The following KCNJ8 variants were observed in gnomAD, a reference collection of about 807,000 sequenced individuals.
KCNJ8 encodes ATP-sensitive inward rectifier potassium channel 8.
Under a neutral mutation model 28.2 loss-of-function variants are expected in KCNJ8, and 13 were observed. The observed-to-expected ratio is 0.46, with a 90% CI of 0.30 to 0.73. The LOEUF (loss-of-function observed/expected upper bound fraction) is 0.73, where lower values mean the gene tolerates loss of function less well. KCNJ8 is among the 30% of genes least tolerant of loss of function. KCNJ8 has a pLI of 0.07. For synonymous variants in KCNJ8, 188 were observed against 195.9 expected (o/e 0.96, Z 0.34); for missense variants, 284 against 542.6 (o/e 0.52, Z 4.73).
chr12:21,765,713 T>C lies in KCNJ8; in HGVS notation c.*10A>G. ...ACTTGATAAAAGACTGTCTTGGGGT[T>C]ATCTTGCTGTCATGATTCCGATGTG... On this transcript the variant is annotated 3_prime_UTR_variant, in exon 3 of 3. Transcript: ENST00000240662. The C allele has an allele frequency of 6.2e-7, 1 of 1,613,268 alleles. No individual in the cohort carries two copies. Among genetic ancestry groups the C allele is most frequent in the Non-Finnish European group, 8.5e-7 (1 of 1,179,196 alleles).
intron 1 of KCNJ8, among the ~76,000 whole-genome samples, chr12:21,774,157 G>T (rs1940832292): frequency 1.3e-5 from 2 of 152,064 alleles, no homozygotes; most frequent in South Asian, 2.1e-4. Context: ...GTAAGCAAAG[G>T]CCATGACTCC....
intron 2 of KCNJ8, among the ~76,000 whole-genome samples, chr12:21,770,130 C>T (rs1012502010): frequency 6.6e-6 from 1 of 152,090 alleles, no homozygotes; most frequent in Non-Finnish European, 1.5e-5. Context: ...TCTTCATTGT[C>T]ATATTTTAAG....
Position 21,773,788 on chromosome 12 carries a change from T to A in KCNJ8, c.-70-102A>T. ...ATGTCTGTACATGTGCGAGGTGACA[T>A]GCAAAACCAAAAATGTGATTTTTAC... On this transcript the variant is annotated intron_variant, in intron 1 of 2. Coordinates refer to ENST00000240662, the MANE Select transcript of KCNJ8 (RefSeq NM_004982.4). This position sits in a 1 kb window ranked among gnomAD's most constrained non-coding sequence, Gnocchi z 4.6. 2 of 809,004 alleles carry A rather than the reference T, an allele frequency of 2.5e-6. No homozygotes were observed. The highest frequency in any genetic ancestry group is 1.7e-5 in the African/African-American group (1 of 57,822). 50.1% of individuals were successfully genotyped at this position (809,004 alleles called of 1,614,324 possible).
rs962677311 is a variant in KCNJ8 at position 21,765,532 on chromosome 12, A to C, written c.*191T>G. ...ATTCTACATGTATGAAACAAGCATAAGCCATGAATCCTCCACTTGGTGTGT... is the reference window on the plus strand; with the variant it reads ...ATTCTACATGTATGAAACAAGCATACGCCATGAATCCTCCACTTGGTGTGT... On this transcript the variant is annotated 3_prime_UTR_variant, in exon 3 of 3. Coordinates refer to ENST00000240662, the MANE Select transcript of KCNJ8 (RefSeq NM_004982.4). 1.6e-6 allele frequency: 1 copy of C among 633,144 alleles called. No homozygotes were observed. 39.2% of individuals were successfully genotyped at this position (633,144 alleles called of 1,614,324 possible).
At chr12:21,769,232 T>G (rs755124917) in intron 2 of KCNJ8, among the ~76,000 whole-genome samples, 1 of 152,208 alleles carries the variant, frequency 6.6e-6, no homozygotes, top group Non-Finnish European at 1.5e-5. Context: ...CCCCAAAGTA[T>G]TATGCTAAAT....
At position 21,764,983 on chromosome 12, in the gene KCNJ8, C is replaced by T. The variant is rs1286244172; in HGVS notation, c.*740G>A. 6.6e-6 allele frequency: 1 copy of T among 152,294 alleles called. No individual in the cohort carries two copies. Among genetic ancestry groups the T allele is most frequent in the East Asian group, 1.9e-4 (1 of 5,188 alleles). 9.4% of individuals were successfully genotyped at this position (152,294 alleles called of 1,614,324 possible). On this transcript the variant is annotated 3_prime_UTR_variant, in exon 3 of 3. Coordinates refer to ENST00000240662, the MANE Select transcript of KCNJ8 (RefSeq NM_004982.4). ...AAAGAAAATGTTTTAATAAAATATTCAATACAGTATTTCCCTGTGGGGATT... is the reference window on the plus strand; with the variant it reads ...AAAGAAAATGTTTTAATAAAATATTTAATACAGTATTTCCCTGTGGGGATT...
Position 21,766,638 on chromosome 12 carries a change from A to G in KCNJ8, c.375-15T>C. ...AAGTGAAAGACCTGTGAGGAATGAT[A>G]TCAGAAAAGAACACCATCAGGTCAC... is the stretch of plus-strand genomic sequence containing the variant. On this transcript the variant is annotated splice_polypyrimidine_tract_variant and intron_variant, in intron 2 of 2. Coordinates refer to ENST00000240662, the MANE Select transcript of KCNJ8 (RefSeq NM_004982.4). This position sits in a 1 kb window ranked among gnomAD's most constrained non-coding sequence, Gnocchi z 6.5. 6.3e-7 allele frequency: 1 copy of G among 1,586,368 alleles called. No homozygotes were observed. Among genetic ancestry groups the G allele is most frequent in the Non-Finnish European group, 8.6e-7 (1 of 1,168,342 alleles).
In KCNJ8 at chr12:21,765,265, A is replaced by C. The variant is rs149606569; in HGVS notation, c.*458T>G. Reference sequence around the variant, plus strand: ...ATGCAGTTATCATGGAGACAGGAGAAGGCTGATGTACAAAACGCATTAACA... The same window carrying C: ...ATGCAGTTATCATGGAGACAGGAGACGGCTGATGTACAAAACGCATTAACA... On this transcript the variant is annotated 3_prime_UTR_variant, in exon 3 of 3. Transcript: ENST00000240662. The C allele has an allele frequency of 0.012, 2,816 of 238,920 alleles. 49 individuals carry two copies. The highest frequency in any genetic ancestry group is 0.014 in the Non-Finnish European group (1,661 of 120,960). 14.8% of individuals were successfully genotyped at this position (238,920 alleles called of 1,614,324 possible).
intron 2 of KCNJ8, among the ~76,000 whole-genome samples, chr12:21,770,240 C>T (rs537135552): frequency 6.6e-6 from 1 of 152,288 alleles, no homozygotes; most frequent in South Asian, 2.1e-4. Context: ...AAGACCACAT[C>T]TTGCAGAAGG....
In KCNJ8 at chr12:21,773,139, C is replaced by G. The variant is rs1257539058; in HGVS notation, c.374+104G>C. 25 of 1,339,166 alleles carry G rather than the reference C, an allele frequency of 1.9e-5. No individual in the cohort carries two copies. The highest frequency in any genetic ancestry group is 2.5e-5 in the Non-Finnish European group (24 of 944,842). The allele number at this position is 1,339,166 out of a possible 1,614,324, so 83.0% of individuals were successfully genotyped here. On this transcript the variant is annotated intron_variant, in intron 2 of 2. Coordinates refer to ENST00000240662, the MANE Select transcript of KCNJ8 (RefSeq NM_004982.4). The surrounding 1 kb of genome is among the most constrained non-coding windows in gnomAD (Gnocchi z 4.6). ...GTTTCTGAAGATTCTAAAACAAACC[C>G]TTTATTTCACTTTCAATTAAATAAC...
chr12:21,773,389 A>G lies in KCNJ8; in HGVS notation c.228T>C (p.Phe76=). The change falls in exon 2 of 3, where the codon TTT becomes TTC. Residue 76 remains phenylalanine (F), a synonymous_variant. Transcript: ENST00000240662. The surrounding 1 kb of genome is among the most constrained non-coding windows in gnomAD (Gnocchi z 4.6). ...GCCAGCTGCAGAGGAAGGACATGGT[A>G]AAGATGACCAGCGTGTGGCGCCATT... ...DLKWRHTLVI[F]TMSFLCSWLL... 1 of 1,614,268 alleles carries G rather than the reference A, an allele frequency of 6.2e-7. No individual in the cohort carries two copies. The highest frequency in any genetic ancestry group is 8.5e-7 in the Non-Finnish European group (1 of 1,180,042).
chr12:21,773,881 A>C lies in KCNJ8; in HGVS notation c.-70-195T>G, dbSNP rs1369929318. Among the ~76,000 whole-genome samples, 1 of 152,210 alleles carries C rather than the reference A, an allele frequency of 6.6e-6. No homozygotes were observed. The highest frequency in any genetic ancestry group is 1.5e-5 in the Non-Finnish European group (1 of 68,040). On this transcript the variant is annotated intron_variant, in intron 1 of 2. Coordinates refer to ENST00000240662, the MANE Select transcript of KCNJ8 (RefSeq NM_004982.4). The surrounding 1 kb of genome is among the most constrained non-coding windows in gnomAD (Gnocchi z 4.6). ...TCAGAAAAATTACTTGGTTTTAATA[A>C]AAAGAACTGTTTCAATTTTTCTTAT...
Position 21,766,798 on chromosome 12 carries a change from T to C in KCNJ8, c.375-175A>G. 3.1e-6 allele frequency: 2 copies of C among 640,706 alleles called. No homozygotes were observed. Among genetic ancestry groups the C allele is most frequent in the Non-Finnish European group, 2.8e-6 (1 of 359,738 alleles). The allele number at this position is 640,706 out of a possible 1,614,324, so 39.7% of individuals were successfully genotyped here. On this transcript the variant is annotated intron_variant, in intron 2 of 2. Transcript: ENST00000240662. This position sits in a 1 kb window ranked among gnomAD's most constrained non-coding sequence, Gnocchi z 6.5. Reference sequence around the variant, plus strand: ...TAAACTGTGTTTAGAACAGTCTCTCTCTCTCTTGCATGCATCTACCTCCAG... The same window carrying C: ...TAAACTGTGTTTAGAACAGTCTCTCCCTCTCTTGCATGCATCTACCTCCAG...
chr12:21,773,113 T>G lies in KCNJ8; in HGVS notation c.374+130A>C. The G allele has an allele frequency of 9.2e-7, 1 of 1,088,118 alleles. No individual in the cohort carries two copies. Among genetic ancestry groups the G allele is most frequent in the Non-Finnish European group, 1.4e-6 (1 of 725,496 alleles). The allele number at this position is 1,088,118 out of a possible 1,614,324, so 67.4% of individuals were successfully genotyped here. ...GGTGTTGTTCTTTATTGTGCTTTTTTGTTTCTGAAGATTCTAAAACAAACC... is the reference window on the plus strand; with the variant it reads ...GGTGTTGTTCTTTATTGTGCTTTTTGGTTTCTGAAGATTCTAAAACAAACC... On this transcript the variant is annotated intron_variant, in intron 2 of 2. Transcript: ENST00000240662. The surrounding 1 kb of genome is among the most constrained non-coding windows in gnomAD (Gnocchi z 4.6).
intron 2 of KCNJ8, among the ~76,000 whole-genome samples, chr12:21,771,347 C>T (rs887243468): frequency 1.3e-5 from 2 of 152,176 alleles, no homozygotes; most frequent in Non-Finnish European, 2.9e-5. Context: ...TAAACAATCT[C>T]AAGAGATAAA....
intron 2 of KCNJ8, among the ~76,000 whole-genome samples, chr12:21,767,322 C>CA (rs1940653542): frequency 2.8e-5 from 3 of 106,158 alleles, no homozygotes; most frequent in East Asian, 5.7e-4. Flanking sequence ...CCCCCCCCCC[C>CA]ACCTCCAGGC....
chr12:21,771,355 A>G (rs1940750956), intron 2 of KCNJ8, among the ~76,000 whole-genome samples: 1 of 152,234 alleles, frequency 6.6e-6, no homozygotes. Context: ...CTCAAGAGAT[A>G]AAAGTGTTTA....
rs747079045 is a variant in KCNJ8, at chr12:21,773,322, C to T, written c.295G>A (p.Gly99Arg). ...IMWWLVAFAH[G>R]DIYAYMEKSG... is the part of the protein sequence containing the mutation. ...TTCTCCATGTAAGCATAGATGTCCC[C>T]ATGGGCAAAGGCCACCAGCCACCAC... Residue 99 changes from glycine (G) to arginine (R), a missense_variant, in exon 2 of 3, where the codon GGG (glycine) becomes AGG (arginine). Gly to Arg is a moderately radical substitution (Grantham distance 125). Around this residue, in one of 8 missense-constraint regions of KCNJ8, gnomAD observed 42 missense variants for 50.9 expected, o/e 0.83. Coordinates refer to ENST00000240662, the MANE Select transcript of KCNJ8 (RefSeq NM_004982.4). This position sits in a 1 kb window ranked among gnomAD's most constrained non-coding sequence, Gnocchi z 4.6. The T allele has an allele frequency of 6.2e-7, 1 of 1,614,184 alleles. No individual in the cohort carries two copies. Among genetic ancestry groups the T allele is most frequent in the Non-Finnish European group, 8.5e-7 (1 of 1,180,036 alleles).
chr12:21,773,716 TA>T lies in KCNJ8; in HGVS notation c.-70-31del. 6.5e-7 allele frequency: 1 copy of T among 1,535,796 alleles called. No homozygotes were observed. Among genetic ancestry groups the T allele is most frequent in the Non-Finnish European group, 8.9e-7 (1 of 1,123,940 alleles). Reference sequence around the variant, plus strand: ...ACGAGGGAAACATTTATTAAAAACTTAAAAACCCACCCTATCCTCACCTCTT... The same window carrying T: ...ACGAGGGAAACATTTATTAAAAACTTAAAACCCACCCTATCCTCACCTCTT... On this transcript the variant is annotated intron_variant, in intron 1 of 2. Transcript: ENST00000240662. This position sits in a 1 kb window ranked among gnomAD's most constrained non-coding sequence, Gnocchi z 4.6.
Sources: allele counts gnomAD v4.1 joint callset (sites outside exome capture counted in the v4.1 genomes callset), GRCh38; gene constraint gnomAD v4.1.1; regional missense constraint gnomAD v4.1.1; non-coding constraint Gnocchi (gnomAD v3.1); transcripts MANE v1.5; gene names NCBI Gene and HGNC (gene_info 2026-07-23, HGNC 2026-07-21).